Variants in JCAD observed in about 807,000 individuals in gnomAD.
JCAD encodes the protein junctional cadherin 5-associated protein.
Under a neutral mutation model 98.0 loss-of-function variants are expected in JCAD, and 40 were observed. The observed-to-expected ratio is 0.41, with a 90% CI of 0.32 to 0.53. The LOEUF is 0.53. JCAD is among the 20% of genes least tolerant of loss of function. The pLI is 0.31. For synonymous variants in JCAD, 691 were observed against 682.3 expected, an observed-to-expected ratio of 1.01 and a Z score of -0.20; for missense variants, 1,705 against 1,738.1, an observed-to-expected ratio of 0.98 and a Z score of 0.34.
intron 1 of JCAD, among the ~76,000 whole-genome samples, chr10:30,076,313 C>A (rs1234637157): frequency 6.6e-6 from 1 of 152,162 alleles, no homozygotes; most frequent in Non-Finnish European, 1.5e-5. Context: ...AGGTGTGAGC[C>A]ACCGTGCCCA....
chr10:30,033,570 C>T (rs1299038274), intron 2 of JCAD, among the ~76,000 whole-genome samples: 4 of 152,220 alleles, frequency 2.6e-5, no homozygotes, highest in Non-Finnish European at 4.4e-5. Context: ...CTTCTCACTA[C>T]TTTAATTTGC....
chr10:30,048,532 C>G (rs1399033631), intron 1 of JCAD, among the ~76,000 whole-genome samples: 1 of 152,040 alleles, frequency 6.6e-6, no homozygotes, highest in African/African-American at 2.4e-5. Context: ...ACACCCAATT[C>G]ACTACACAAG....
intron 2 of JCAD, among the ~76,000 whole-genome samples, chr10:30,031,750 A>ATTTTTTT (rs1177691710): frequency 9.5e-5 from 6 of 63,368 alleles, no homozygotes; most frequent in Admixed American, 4.2e-4. Flanking sequence ...CCCCATCTGT[A>ATTTTTTT]TTTTTTTTTT....
intron 2 of JCAD, among the ~76,000 whole-genome samples, chr10:30,065,069 G>C (rs1253204246): frequency 6.6e-6 from 1 of 152,232 alleles, no homozygotes; most frequent in Non-Finnish European, 1.5e-5. Context: ...AGGATCTTGT[G>C]AGGATAGAGA....
intron 1 of JCAD, among the ~76,000 whole-genome samples, chr10:30,095,673 C>A (rs115884342): frequency 6.6e-6 from 1 of 152,350 alleles, no homozygotes; most frequent in African/African-American, 2.4e-5. Flanking sequence ...TGATCACAAG[C>A]TCCTCATGGT....
rs1249491610 is a variant in JCAD at position 30,028,831 on chromosome 10, G to A, written c.1317C>T (p.Pro439=). 1 of 1,614,196 alleles carries A rather than the reference G, an allele frequency of 6.2e-7. No homozygotes were observed. The highest frequency in any genetic ancestry group is 1.7e-5 in the Admixed American group (1 of 60,026). The change falls in exon 3 of 4, where the codon CCC becomes CCT. Residue 439 remains proline, a synonymous_variant. Transcript: ENST00000375377. ...GCTTTATGTCTTCACAGAAACCCTG[G>A]GGCTGAGCTAGTTTAAAATGTCGTA... ...PRLRHFKLAQ[P]QGFCEDIKLD...
At chr10:30,017,950 T>G (rs12762440) in intron 3 of JCAD, 33 bp from the exon 4 acceptor site, 82,357 of 1,559,110 alleles carry the variant, frequency 0.053, 2,557 homozygotes, top group African/African-American at 0.13. Flanking sequence ...AAAATTAGTG[T>G]TATATTCAAC....
chr10:30,111,126 CT>C (rs1838693628), intron 1 of JCAD, among the ~76,000 whole-genome samples: 1 of 152,194 alleles, frequency 6.6e-6, no homozygotes, highest in Non-Finnish European at 1.5e-5. Flanking sequence ...GTATGGACCC[CT>C]GATGTATGGG....
intron 1 of JCAD, among the ~76,000 whole-genome samples, chr10:30,101,655 A>G (rs1838472562): frequency 6.6e-6 from 1 of 151,930 alleles, no homozygotes; most frequent in Non-Finnish European, 1.5e-5. Flanking sequence ...GGCCTGAGCC[A>G]CCACGCCCGG....
chr10:30,084,190 G>A (rs1036358453), intron 1 of JCAD, among the ~76,000 whole-genome samples: 2 of 150,342 alleles, frequency 1.3e-5, no homozygotes, highest in African/African-American at 4.9e-5. Context: ...AAGAGGGAGG[G>A]AGGGAGAGAA....
Position 30,027,538 on chromosome 10 carries a change from G to T in JCAD, c.2610C>A (p.Asn870Lys). Reference sequence around the variant, plus strand: ...CATCCTCCTGTCTGCAGTGAGCACGGTTCTCCTGCTGCGGCTCCGCCTCAC... The same window carrying T: ...CATCCTCCTGTCTGCAGTGAGCACGTTTCTCCTGCTGCGGCTCCGCCTCAC... ...EESEAEPQQE[N>K]RAHCRQEDVG... The change falls in exon 3 of 4, where the codon AAC becomes AAA. Residue 870 changes from asparagine to lysine, a missense_variant. Physicochemically the swap from Asn to Lys is moderately conservative, Grantham distance 94. Transcript: ENST00000375377. The T allele has an allele frequency of 6.2e-7, 1 of 1,613,324 alleles. No individual in the cohort carries two copies. The highest frequency in any genetic ancestry group is 8.5e-7 in the Non-Finnish European group (1 of 1,180,042).
chr10:30,085,333 T>C (rs569570242), intron 1 of JCAD, among the ~76,000 whole-genome samples: 2 of 152,294 alleles, frequency 1.3e-5, no homozygotes, highest in African/African-American at 4.8e-5. Context: ...CTTTTATTCA[T>C]CCTATGGTAA....
chr10:30,110,145 C>T (rs1395482549), intron 1 of JCAD, among the ~76,000 whole-genome samples: 1 of 150,590 alleles, frequency 6.6e-6, no homozygotes, highest in African/African-American at 2.5e-5. Flanking sequence ...GATGTATAGA[C>T]CAGCTGATGT....
intron 2 of JCAD, among the ~76,000 whole-genome samples, chr10:30,032,033 C>T (rs1289491212): frequency 2.6e-5 from 4 of 151,284 alleles, no homozygotes; most frequent in South Asian, 4.2e-4. Flanking sequence ...GGATTACAGG[C>T]GTGAGCCACC....
chr10:30,022,925 C>T (rs1484865782), intron 3 of JCAD, among the ~76,000 whole-genome samples: 1 of 152,232 alleles, frequency 6.6e-6, no homozygotes, highest in East Asian at 1.9e-4. Context: ...CACTCACTCA[C>T]TGACTTGCCC....
chr10:30,024,718 C>T (rs907787221), intron 3 of JCAD, among the ~76,000 whole-genome samples: 25 of 116,824 alleles, frequency 2.1e-4, no homozygotes, highest in Non-Finnish European at 2.5e-4. Flanking sequence ...TTTTTTGAGA[C>T]GGAGTCTTGC....
At chr10:30,049,498 G>A (rs781171352) in intron 1 of JCAD, among the ~76,000 whole-genome samples, 6 of 152,134 alleles carry the variant, frequency 3.9e-5, no homozygotes, top group Non-Finnish European at 8.8e-5. Context: ...AGCATGGAGA[G>A]TATCAAACTT....
At chr10:30,021,388 G>A (rs919081330) in intron 3 of JCAD, among the ~76,000 whole-genome samples, 4 of 152,042 alleles carry the variant, frequency 2.6e-5, no homozygotes, top group African/African-American at 9.7e-5. Context: ...TTGTAGAGAT[G>A]GGGGTCTCGC....
intron 1 of JCAD, among the ~76,000 whole-genome samples, chr10:30,080,447 A>G (rs1779770181): frequency 6.6e-6 from 1 of 152,170 alleles, no homozygotes; most frequent in Non-Finnish European, 1.5e-5. Flanking sequence ...AATTTTGGCA[A>G]TAGTCTTATG....
Sources: gnomAD v4.1 joint callset for allele counts (sites outside exome capture counted in the v4.1 genomes callset) on GRCh38, gnomAD v4.1.1 for gene constraint, MANE v1.5 for transcripts, NCBI Gene and HGNC (gene_info 2026-07-23, HGNC 2026-07-21) for gene names.